Variants in ALLC observed in about 807,000 individuals in gnomAD.
ALLC encodes allantoicase.
In ALLC, 40 loss-of-function variants were observed where a neutral mutation model predicts 45.0. The observed-to-expected ratio is 0.89, with a 90% confidence interval of 0.69 to 1.16. The LOEUF (loss-of-function observed/expected upper bound fraction) is 1.16, where lower values mean the gene tolerates loss of function less well. Among genes scored for constraint, ALLC ranks in the 50% most tolerant of loss-of-function variants. ALLC has a pLI of 0.00. For missense variants in ALLC, 488 were observed against 493.1 expected, an observed-to-expected ratio of 0.99 and a Z score of 0.10; for synonymous variants, 176 against 178.1, an observed-to-expected ratio of 0.99 and a Z score of 0.09.
At chr2:3,679,627 A>G (rs1276051498) in intron 4 of ALLC, among the ~76,000 whole-genome samples, 1 of 152,240 alleles carries the variant, frequency 6.6e-6, no homozygotes, top group African/African-American at 2.4e-5. Context: ...CCTGGATCCC[A>G]GCCTGTGCAT....
upstream of ALLC, among the ~76,000 whole-genome samples, chr2:3,653,217 G>A (rs1666377267): frequency 1.3e-5 from 2 of 152,254 alleles, no homozygotes; most frequent in Admixed American, 6.5e-5. The surrounding 1 kb of genome is among the most constrained non-coding windows in gnomAD (Gnocchi z 4.1). Flanking sequence ...TGTGCCCCAA[G>A]TTGGTCATGA....
chr2:3,678,999 C>T (rs1667102590), intron 4 of ALLC, among the ~76,000 whole-genome samples: 1 of 152,184 alleles, frequency 6.6e-6, no homozygotes, highest in African/African-American at 2.4e-5. Flanking sequence ...GGGCCAGGGT[C>T]TGTCCTCAAC....
At chr2:3,676,753 G>A (rs1329792125) in intron 3 of ALLC, among the ~76,000 whole-genome samples, 4 of 151,890 alleles carry the variant, frequency 2.6e-5, no homozygotes, top group South Asian at 2.1e-4. Flanking sequence ...CACGTGTGTC[G>A]GTTTATCCCT....
intron 4 of ALLC, among the ~76,000 whole-genome samples, chr2:3,678,918 G>T (rs750460945): frequency 2.6e-5 from 4 of 152,088 alleles, no homozygotes; most frequent in Admixed American, 2.6e-4. Flanking sequence ...CTTTATCCCC[G>T]TTTAACCGCC....
At chr2:3,647,479 G>A in the ALLC span, among the ~76,000 whole-genome samples, 211 of 151,864 alleles carry the variant, frequency 1.4e-3, no homozygotes, top group African/African-American at 4.8e-3. Context: ...GAGTGTGGCC[G>A]CTGGGGGTTA....
At chr2:3,676,323 G>A (rs559162930) in intron 3 of ALLC, among the ~76,000 whole-genome samples, 7 of 152,336 alleles carry the variant, frequency 4.6e-5, no homozygotes. Context: ...TGATCAGGCT[G>A]TCAGGCTGGG....
chr2:3,646,918 C>A, the ALLC span, among the ~76,000 whole-genome samples: 2 of 147,612 alleles, frequency 1.4e-5, no homozygotes, highest in South Asian at 4.5e-4. Flanking sequence ...TGTTGGGGGG[C>A]CAGGCTGTGT....
chr2:3,671,751 G>A (rs1421083330), intron 2 of ALLC, among the ~76,000 whole-genome samples: 1 of 133,226 alleles, frequency 7.5e-6, no homozygotes, highest in Admixed American at 7.4e-5. Context: ...CTCTGGCTCT[G>A]GTTAGATCGG....
At chr2:3,669,126 C>A (rs1666800201) in intron 1 of ALLC, among the ~76,000 whole-genome samples, 2 of 151,492 alleles carry the variant, frequency 1.3e-5, no homozygotes. Flanking sequence ...CACCTAAGGT[C>A]AGGAGTTTGA....
At chr2:3,650,485 C>T in the ALLC span, among the ~76,000 whole-genome samples, 1 of 152,212 alleles carries the variant, frequency 6.6e-6, no homozygotes, top group Non-Finnish European at 1.5e-5. Context: ...AGGTGGAAGC[C>T]TGGTGAGGCC....
chr2:3,669,290 G>A (rs925103788), intron 1 of ALLC, among the ~76,000 whole-genome samples: 1 of 152,154 alleles, frequency 6.6e-6, no homozygotes, highest in Non-Finnish European at 1.5e-5. Flanking sequence ...TGGCCAGCAT[G>A]GTAAAACCCC....
At chr2:3,681,421 A>G (rs372826946) in intron 5 of ALLC, among the ~76,000 whole-genome samples, 44 of 152,340 alleles carry the variant, frequency 2.9e-4, no homozygotes, top group African/African-American at 1.0e-3. Context: ...CAAATGTAGT[A>G]TCAAACATCT....
chr2:3,696,358 T>C lies in ALLC; in HGVS notation c.741+10T>C. The C allele has an allele frequency of 6.2e-7, 1 of 1,600,710 alleles. No homozygotes were observed. Among genetic ancestry groups the C allele is most frequent in the Non-Finnish European group, 8.5e-7 (1 of 1,173,452 alleles). On this transcript the variant is annotated intron_variant, in intron 9 of 11. Coordinates refer to ENST00000252505, the MANE Select transcript of ALLC (RefSeq NM_018436.4). ...GCCACCAATATTAGAAGTAAGAAGT[T>C]AAAAATAACTATGGTTTAAAGTTTT...
In ALLC at chr2:3,695,592, ACAG is replaced by A. The variant is rs779194609; in HGVS notation, c.512-121_512-119del. ...GCAGTGGGCTTGTTGTATTTGAGAAACAGCAGGTGGGTGTGGCCAAAGCCTACC... is the reference window on the plus strand; with the variant it reads ...GCAGTGGGCTTGTTGTATTTGAGAAACAGGTGGGTGTGGCCAAAGCCTACC... On this transcript the variant is annotated intron_variant, in intron 7 of 11. Coordinates refer to ENST00000252505, the MANE Select transcript of ALLC (RefSeq NM_018436.4). 49 of 1,025,308 alleles carry A rather than the reference ACAG, an allele frequency of 4.8e-5. No individual in the cohort carries two copies. The East Asian group carries it at 7.4e-4, about 15-fold the overall frequency. The allele number at this position is 1,025,308 out of a possible 1,614,324, so 63.5% of individuals were successfully genotyped here.
chr2:3,650,454 C>G, the ALLC span, among the ~76,000 whole-genome samples: 1 of 152,204 alleles, frequency 6.6e-6, no homozygotes, highest in Admixed American at 6.5e-5. Context: ...GTGAGAGAAA[C>G]AGCGCACCAC....
chr2:3,682,146 TG>T (rs1167153814), intron 6 of ALLC, among the ~76,000 whole-genome samples: 2 of 152,236 alleles, frequency 1.3e-5, no homozygotes, highest in African/African-American at 4.8e-5. Context: ...TAGTTTGTAT[TG>T]TTTTTTACAG....
chr2:3,670,958 C>T (rs1666852207), intron 1 of ALLC, 138 bp from the exon 2 acceptor site: 1 of 599,300 alleles, frequency 1.7e-6, no homozygotes, highest in South Asian at 2.0e-5. Context: ...GGGCACCTGT[C>T]AGGTACAGTT....
intron 2 of ALLC, among the ~76,000 whole-genome samples, chr2:3,672,591 GGGAGGTCCTCTGGTTCTGGTTAGATA>G (rs1666914621): frequency 1.1e-5 from 1 of 91,088 alleles, no homozygotes; most frequent in Non-Finnish European, 2.2e-5. Context: ...CTGGTTAGAT[GGGAGGTCCTCTGGTTCTGGTTAGATA>G]GGAGGTCCTC....
At chr2:3,688,393 T>C (rs1667386114) in intron 7 of ALLC, 1 of 172,430 alleles carries the variant, frequency 5.8e-6, no homozygotes, top group African/African-American at 2.4e-5. Flanking sequence ...CCTGTGGCCA[T>C]CCTGCCAACG....
Sources: allele counts gnomAD v4.1 joint callset (sites outside exome capture counted in the v4.1 genomes callset), GRCh38; gene constraint gnomAD v4.1.1; non-coding constraint Gnocchi (gnomAD v3.1); transcripts MANE v1.5; gene names NCBI Gene and HGNC (gene_info 2026-07-23, HGNC 2026-07-21).